The following SEMA3A variants were observed in gnomAD, a reference collection of about 807,000 sequenced individuals.
SEMA3A encodes the protein semaphorin-3A.
In SEMA3A, 29 loss-of-function variants were observed where a neutral mutation model predicts 97.9. The ratio of observed to expected loss-of-function variants is 0.30; its 90% CI spans 0.22 to 0.40. SEMA3A has a LOEUF of 0.40. Ranked by LOEUF, SEMA3A falls within the 10% of genes least tolerant of loss-of-function variation. The pLI is 1.00. For synonymous variants in SEMA3A, 321 were observed against 323.7 expected (o/e 0.99, Z 0.09); for missense variants, 763 against 951.3 (o/e 0.80, Z 2.60).
intron 2 of SEMA3A, among the ~76,000 whole-genome samples, chr7:84,359,603 T>C (rs1185978879): frequency 6.6e-6 from 1 of 152,122 alleles, no homozygotes; most frequent in Non-Finnish European, 1.5e-5. Flanking sequence ...CAATTCTCTT[T>C]TTTGTGGTGT....
intron 15 of SEMA3A, among the ~76,000 whole-genome samples, chr7:83,971,348 C>T (rs768763469): frequency 2.0e-5 from 3 of 151,864 alleles, no homozygotes; most frequent in Non-Finnish European, 4.4e-5. Flanking sequence ...AGAAGAATTG[C>T]CTGAACCCGG....
intron 11 of SEMA3A, among the ~76,000 whole-genome samples, chr7:84,002,943 C>A (rs1343936381): frequency 6.6e-6 from 1 of 151,974 alleles, no homozygotes; most frequent in Non-Finnish European, 1.5e-5. Flanking sequence ...GTTCCTATTC[C>A]TTGATGGAAT....
At chr7:84,414,026 C>T (rs995009265) in intron 1 of SEMA3A, among the ~76,000 whole-genome samples, 9 of 152,060 alleles carry the variant, frequency 5.9e-5, no homozygotes, top group Middle Eastern at 3.4e-3. Context: ...ACTGCTTCAC[C>T]GTAAATTTCT....
At chr7:84,101,052 C>A (rs973507411) in intron 4 of SEMA3A, among the ~76,000 whole-genome samples, 31 of 152,152 alleles carry the variant, frequency 2.0e-4, no homozygotes, top group African/African-American at 6.3e-4. Context: ...AAGGATACAG[C>A]TGACTAATCA....
chr7:84,274,947 G>A (rs1198287317), intron 3 of SEMA3A, among the ~76,000 whole-genome samples: 1 of 151,746 alleles, frequency 6.6e-6, no homozygotes, highest in Non-Finnish European at 1.5e-5. Flanking sequence ...TCCTTACTTG[G>A]AGCCAAGTCC....
At chr7:84,222,256 A>T (rs530758121) in intron 3 of SEMA3A, among the ~76,000 whole-genome samples, 1 of 152,138 alleles carries the variant, frequency 6.6e-6, no homozygotes, top group South Asian at 2.1e-4. Context: ...GTGACACTGA[A>T]TATAACCTCT....
At chr7:84,162,034 T>G (rs1012108855) in intron 1 of SEMA3A, among the ~76,000 whole-genome samples, 1 of 152,184 alleles carries the variant, frequency 6.6e-6, no homozygotes, top group Non-Finnish European at 1.5e-5. Context: ...ATGGTCTTAT[T>G]GGATTTACTA....
At chr7:83,989,456 ATCCC>A (rs71522687) in intron 12 of SEMA3A, among the ~76,000 whole-genome samples, 33,212 of 120,806 alleles carry the variant, frequency 0.27, 5,561 homozygotes, top group Non-Finnish European at 0.37. Flanking sequence ...TCCCAATGCT[ATCCC>A]TCCCCCCTCC....
chr7:84,086,003 T>C (rs1794326881), intron 4 of SEMA3A, among the ~76,000 whole-genome samples: 1 of 152,194 alleles, frequency 6.6e-6, no homozygotes, highest in African/African-American at 2.4e-5. Context: ...CAAAGATATG[T>C]AGCCACACAG....
chr7:84,091,622 A>C (rs12707611), intron 4 of SEMA3A, among the ~76,000 whole-genome samples: 62,746 of 151,970 alleles, frequency 0.41, 14,816 homozygotes, highest in Admixed American at 0.52. Flanking sequence ...GTAAAACAAT[A>C]TAATTAAACT....
intron 3 of SEMA3A, among the ~76,000 whole-genome samples, chr7:84,284,091 G>T (rs995690406): frequency 2.6e-5 from 4 of 152,006 alleles, no homozygotes; most frequent in South Asian, 2.1e-4. Context: ...TGACCTTTTT[G>T]ATTTGTTTTT....
At position 84,005,389 on chromosome 7, in the gene SEMA3A, T is replaced by C; in HGVS notation, c.1310A>G (p.Asp437Gly). 2 of 1,613,874 alleles carry C rather than the reference T, an allele frequency of 1.2e-6. No individual in the cohort carries two copies. Among genetic ancestry groups the C allele is most frequent in the Non-Finnish European group, 1.7e-6 (2 of 1,179,884 alleles). Residue 437 changes from aspartate to glycine, a missense_variant, in exon 11 of 17, where the codon GAC becomes GGC. Around this residue, in one of 2 missense-constraint regions of SEMA3A, gnomAD observed 678 missense variants for 881.3 expected, o/e 0.77. Coordinates refer to ENST00000265362, the MANE Select transcript of SEMA3A (RefSeq NM_006080.3). ...VNYQFTQIVV[D>G]RVDAEDGQYD... ...CTGTCCATCTTCTGCATCCACTCGG[T>C]CTACGACAATTTGTGTAAATTGATA...
chr7:84,382,848 A>G (rs1803301651), intron 1 of SEMA3A, among the ~76,000 whole-genome samples: 1 of 152,084 alleles, frequency 6.6e-6, no homozygotes, highest in Admixed American at 6.6e-5. Context: ...ACTGCACTCC[A>G]GCCTGGGTGA....
chr7:84,350,393 CATA>C (rs933465499), intron 2 of SEMA3A, among the ~76,000 whole-genome samples: 7 of 151,920 alleles, frequency 4.6e-5, no homozygotes, highest in African/African-American at 1.7e-4. Context: ...TCACTGAAAA[CATA>C]GTATATTTAT....
At chr7:83,970,100 A>T (rs139456353) in intron 15 of SEMA3A, among the ~76,000 whole-genome samples, 13 of 152,332 alleles carry the variant, frequency 8.5e-5, no homozygotes, top group South Asian at 4.1e-4. Context: ...AGAACAAAAT[A>T]ATTGAGAGCA....
intron 1 of SEMA3A, among the ~76,000 whole-genome samples, chr7:84,438,660 T>C (rs184081083): frequency 4.6e-5 from 7 of 152,138 alleles, no homozygotes; most frequent in Admixed American, 4.6e-4. Context: ...CCCCATGATC[T>C]GAGTAAGGAC....
At chr7:84,337,399 GC>G (rs1802063647) in intron 2 of SEMA3A, among the ~76,000 whole-genome samples, 1 of 152,044 alleles carries the variant, frequency 6.6e-6, no homozygotes, top group Admixed American at 6.6e-5. Context: ...ATCCCTTAAA[GC>G]AGGCATCTTA....
At chr7:84,165,489 GAA>G (rs113018321) in intron 1 of SEMA3A, among the ~76,000 whole-genome samples, 2 of 149,822 alleles carry the variant, frequency 1.3e-5, no homozygotes, top group South Asian at 2.1e-4. Flanking sequence ...CTGTTCTAGT[GAA>G]AAAAAAAATA....
intron 3 of SEMA3A, among the ~76,000 whole-genome samples, chr7:84,274,734 T>G (rs1408334095): frequency 6.6e-6 from 1 of 152,014 alleles, no homozygotes; most frequent in Non-Finnish European, 1.5e-5. Flanking sequence ...ATCAAAAGAT[T>G]TATTTTCCAA....
Sources: allele counts gnomAD v4.1 joint callset (sites outside exome capture counted in the v4.1 genomes callset), GRCh38; gene constraint gnomAD v4.1.1; regional missense constraint gnomAD v4.1.1; transcripts MANE v1.5; gene names NCBI Gene and HGNC (gene_info 2026-07-23, HGNC 2026-07-21).